The following NQO2 variants were observed in gnomAD, a reference collection of about 807,000 sequenced individuals.
NQO2 encodes the protein ribosyldihydronicotinamide dehydrogenase [quinone].
In NQO2, 18 loss-of-function variants were observed where a neutral mutation model predicts 22.0. That is an observed-to-expected ratio of 0.82 (90% CI 0.56 to 1.21). NQO2 has a LOEUF of 1.21. NQO2 is among the 50% of genes most tolerant of loss of function. NQO2 has a pLI of 0.00. For missense variants in NQO2, 267 were observed against 286.9 expected, an observed-to-expected ratio of 0.93 and a Z score of 0.50; for synonymous variants, 106 against 110.8, an observed-to-expected ratio of 0.96 and a Z score of 0.28.
At chr6:3,016,580 C>G (rs1352763559) in intron 5 of NQO2, among the ~76,000 whole-genome samples, 3 of 152,112 alleles carry the variant, frequency 2.0e-5, no homozygotes, top group Non-Finnish European at 4.4e-5. Flanking sequence ...TGCTGGGAAC[C>G]TTGTCCTGTG....
chr6:3,009,977 C>A (rs781049406), intron 2 of NQO2, 48 bp from the exon 3 acceptor site: 1 of 1,561,762 alleles, frequency 6.4e-7, no homozygotes, highest in South Asian at 1.2e-5. Context: ...TTGAATTTAA[C>A]AGAGAGAGGT....
At chr6:3,019,429 T>G in intron 6 of NQO2, 50 bp from the exon 7 acceptor site, 1 of 1,562,764 alleles carries the variant, frequency 6.4e-7, no homozygotes, top group Non-Finnish European at 8.7e-7. Flanking sequence ...CTGAATGGTA[T>G]GTAACAGGTG....
At chr6:3,005,423 G>A (rs185725560) in intron 1 of NQO2, among the ~76,000 whole-genome samples, 96 of 152,324 alleles carry the variant, frequency 6.3e-4, no homozygotes, top group African/African-American at 2.1e-3. Context: ...TTTTTTGGTA[G>A]TAGTAGCCAT....
In NQO2 at chr6:3,006,185, C is replaced by A; in HGVS notation, c.-85-283C>A. The A allele has an allele frequency of 3.1e-6, 1 of 319,168 alleles. No individual in the cohort carries two copies. The highest frequency in any genetic ancestry group is 4.5e-6 in the Non-Finnish European group (1 of 220,928). The allele number at this position is 319,168 out of a possible 1,614,324, so 19.8% of individuals were successfully genotyped here. A position where few individuals can be genotyped will look rare whatever the true frequency, so the allele number is the denominator to read the frequency against. On this transcript the variant is annotated intron_variant, in intron 1 of 6. Coordinates refer to ENST00000380455, the MANE Select transcript of NQO2 (RefSeq NM_000904.6). The surrounding 1 kb of genome is among the most constrained non-coding windows in gnomAD (Gnocchi z 4.0). ...AGGCAGGAAGGCCAAGGAGGCTCAA[C>A]TCCTGCTTCCTACCGTGGCTCATTT...
At chr6:3,002,682 C>G (rs981080553) in intron 1 of NQO2, among the ~76,000 whole-genome samples, 1 of 152,004 alleles carries the variant, frequency 6.6e-6, no homozygotes, top group Non-Finnish European at 1.5e-5. Flanking sequence ...AATCCTCACC[C>G]CTACCCTAGG....
In NQO2 at chr6:3,006,339, CCT is replaced by C. The variant is rs1756948485; in HGVS notation, c.-85-124_-85-123del. On this transcript the variant is annotated intron_variant, in intron 1 of 6. Transcript: ENST00000380455. The surrounding 1 kb of genome is among the most constrained non-coding windows in gnomAD (Gnocchi z 4.0). ...GCCTAAATCTCCAGAAGATTCCTGG[CCT>C]CTCTTGAGAGGTCTTTCTCTGATGT... 1 of 1,369,762 alleles carries C rather than the reference CCT, an allele frequency of 7.3e-7. No individual in the cohort carries two copies. 84.9% of individuals were successfully genotyped at this position (1,369,762 alleles called of 1,614,324 possible). A position where few individuals can be genotyped will look rare whatever the true frequency, so the allele number is the denominator to read the frequency against.
intron 5 of NQO2, 80 bp from the exon 6 acceptor site, chr6:3,016,804 G>T: frequency 1.3e-6 from 2 of 1,565,782 alleles, no homozygotes; most frequent in Non-Finnish European, 1.7e-6. Flanking sequence ...TGGCTGTGCT[G>T]AGCCCGTGTG....
chr6:3,005,909 A>AGAC, intron 1 of NQO2: 1 of 681,794 alleles, frequency 1.5e-6, no homozygotes, highest in Non-Finnish European at 1.8e-6. Flanking sequence ...AAATTGCACC[A>AGAC]AGTCTGTCTG....
chr6:3,010,279 T>C, intron 3 of NQO2, 90 bp downstream of exon 3: 2 of 1,178,174 alleles, frequency 1.7e-6, no homozygotes, highest in South Asian at 3.5e-5. Context: ...AAAATGGCAT[T>C]ATAGAAGCAA....
intron 3 of NQO2, among the ~76,000 whole-genome samples, chr6:3,010,842 C>T (rs148376285): frequency 9.1e-4 from 139 of 152,132 alleles, no homozygotes; most frequent in Middle Eastern, 6.8e-3. Flanking sequence ...CCCTTTGGAA[C>T]CTCTCATATT....
rs1315445590 is a variant in NQO2 at position 3,006,067 on chromosome 6, C to T, written c.-85-401C>T. On this transcript the variant is annotated intron_variant, in intron 1 of 6. Transcript: ENST00000380455. The surrounding 1 kb of genome is among the most constrained non-coding windows in gnomAD (Gnocchi z 4.0). ...ACTGCCAGTGCTGGCCCACCAGAGTCTGGCACCAGCCGAGGAGTGCACGCA... is the reference window on the plus strand; with the variant it reads ...ACTGCCAGTGCTGGCCCACCAGAGTTTGGCACCAGCCGAGGAGTGCACGCA... Among the ~76,000 whole-genome samples, 17 of 152,236 alleles carry T rather than the reference C, an allele frequency of 1.1e-4. No individual in the cohort carries two copies. Among genetic ancestry groups the T allele is most frequent in the Non-Finnish European group, 8.8e-5 (6 of 68,042 alleles).
At chr6:3,015,242 A>G (rs2038560) in intron 4 of NQO2, 51,958 of 1,408,270 alleles carry the variant, frequency 0.037, 1,300 homozygotes, top group African/African-American at 0.12. Flanking sequence ...AGCTGGTGTT[A>G]CGCACAGCTC....
intron 5 of NQO2, among the ~76,000 whole-genome samples, chr6:3,016,582 T>C (rs1243724814): frequency 1.3e-5 from 2 of 152,126 alleles, no homozygotes; most frequent in African/African-American, 2.4e-5. Flanking sequence ...CTGGGAACCT[T>C]GTCCTGTGGT....
chr6:3,006,443 C>T lies in NQO2; in HGVS notation c.-85-25C>T, dbSNP rs189863866. The stretch of plus-strand genomic sequence containing the variant: ...ACCTCACCTATGCCTCTCCCCACCC[C>T]CTCTGGGTTCGTTTTGTCTTCCAGA... On this transcript the variant is annotated intron_variant, in intron 1 of 6. Transcript: ENST00000380455. The surrounding 1 kb of genome is among the most constrained non-coding windows in gnomAD (Gnocchi z 4.0). 2.0e-5 allele frequency: 32 copies of T among 1,586,044 alleles called. No homozygotes were observed. Among genetic ancestry groups the T allele is most frequent in the Non-Finnish European group, 3.4e-6 (4 of 1,167,554 alleles).
chr6:3,005,005 G>A (rs1028295261), intron 1 of NQO2, among the ~76,000 whole-genome samples: 3 of 152,040 alleles, frequency 2.0e-5, no homozygotes, highest in Non-Finnish European at 4.4e-5. Context: ...ATGTTGGCCA[G>A]GCTGGTCTCG....
At chr6:3,010,669 G>A (rs1757108886) in intron 3 of NQO2, among the ~76,000 whole-genome samples, 1 of 152,178 alleles carries the variant, frequency 6.6e-6, no homozygotes, top group Non-Finnish European at 1.5e-5. Context: ...AAAGGAGGGA[G>A]ATGGGAATAT....
chr6:3,010,772 C>T (rs1757111271), intron 3 of NQO2, among the ~76,000 whole-genome samples: 1 of 152,160 alleles, frequency 6.6e-6, no homozygotes. Flanking sequence ...GTAGGAGGTA[C>T]ATTCTGCAGG....
chr6:3,001,511 G>A (rs563510319), intron 1 of NQO2, among the ~76,000 whole-genome samples: 1 of 152,254 alleles, frequency 6.6e-6, no homozygotes, highest in East Asian at 1.9e-4. Flanking sequence ...ACTTCTAGCT[G>A]TGCTGTTTAT....
chr6:3,010,703 A>C (rs1757109809), intron 3 of NQO2, among the ~76,000 whole-genome samples: 1 of 152,152 alleles, frequency 6.6e-6, no homozygotes, highest in Non-Finnish European at 1.5e-5. Context: ...GGAAACTCTG[A>C]TCTGTAACTT....
Sources: allele counts gnomAD v4.1 joint callset (sites outside exome capture counted in the v4.1 genomes callset), GRCh38; gene constraint gnomAD v4.1.1; non-coding constraint Gnocchi (gnomAD v3.1); transcripts MANE v1.5; gene names NCBI Gene and HGNC (gene_info 2026-07-23, HGNC 2026-07-21).